Variants in MYO5C observed in about 807,000 individuals in gnomAD.
The protein encoded by MYO5C is myosin VC, also known as unconventional myosin-Vc.
MYO5C carries 194 observed loss-of-function variants against 235.7 expected under a neutral mutation model. The ratio of observed to expected loss-of-function variants is 0.82; its 90% CI spans 0.73 to 0.93. MYO5C has a LOEUF of 0.93. Among genes scored for constraint, MYO5C ranks in the 40% least tolerant of loss-of-function variants. The pLI, the probability that MYO5C is intolerant of heterozygous loss-of-function variation, is 0.00. For missense variants in MYO5C, 2,038 were observed against 2,127.2 expected, an observed-to-expected ratio of 0.96 and a Z score of 0.82; for synonymous variants, 707 against 754.8, an observed-to-expected ratio of 0.94 and a Z score of 1.04.
At chr15:52,223,183 T>C (rs1246492080) in intron 29 of MYO5C, among the ~76,000 whole-genome samples, 3 of 149,806 alleles carry the variant, frequency 2.0e-5, no homozygotes, top group Non-Finnish European at 4.4e-5. Context: ...ATTTCAGGCA[T>C]GAGCAGGACT....
At chr15:52,242,993 G>C (rs2036260178) in intron 19 of MYO5C, 1 of 152,228 alleles carries the variant, frequency 6.6e-6, no homozygotes, top group Non-Finnish European at 1.5e-5. Context: ...TAGAAAAATA[G>C]ATGTGCACCA....
intron 4 of MYO5C, among the ~76,000 whole-genome samples, 165 bp from the exon 5 acceptor site, chr15:52,275,883 G>A (rs2037038853): frequency 6.6e-6 from 1 of 151,570 alleles, no homozygotes; most frequent in Admixed American, 6.6e-5. Flanking sequence ...CTATGTGATC[G>A]TGCAGAACAC....
At chr15:52,218,472 C>T (rs3751609) in intron 32 of MYO5C, 47 bp downstream of exon 32, 125,348 of 1,584,378 alleles carry the variant, frequency 0.079, 9,825 homozygotes, top group East Asian at 0.45. Flanking sequence ...CTTTCAGCAA[C>T]ATCTGCACAC....
intron 10 of MYO5C, among the ~76,000 whole-genome samples, chr15:52,257,952 T>A (rs2036617189): frequency 6.6e-6 from 1 of 152,162 alleles, no homozygotes; most frequent in Non-Finnish European, 1.5e-5. Context: ...ATAGCAGCTC[T>A]GACAGCCCCA....
chr15:52,211,469 C>G (rs2035439820), intron 35 of MYO5C, among the ~76,000 whole-genome samples: 1 of 152,202 alleles, frequency 6.6e-6, no homozygotes, highest in East Asian at 1.9e-4. Context: ...CAGCTGATAA[C>G]TTTACACCCT....
At position 52,211,754 on chromosome 15, in the gene MYO5C, A is replaced by G. The variant is rs753959225; in HGVS notation, c.4272T>C (p.Ile1424=). ...CCTTAACCACCTGCTTGATGCCATT[A>G]ATGGTGCTGTTCATGAGGGACTTCA... ...NMLKSLMNST[I]NGIKQVVKEH... Residue 1424 remains isoleucine (I), a synonymous_variant, in exon 35 of 41, where the codon ATT becomes ATC. Transcript: ENST00000261839. 6.2e-7 allele frequency: 1 copy of G among 1,613,928 alleles called. No individual in the cohort carries two copies. Among genetic ancestry groups the G allele is most frequent in the Non-Finnish European group, 8.5e-7 (1 of 1,179,882 alleles).
chr15:52,232,235 A>AAGAAAGAAGGGAG lies in MYO5C; in HGVS notation c.3026+386_3026+387insCTCCCTTCTTTCT, dbSNP rs2035973967. ...AAGAAAGAAAATGAAAGAAAGAAGA[A>AAGAAAGAAGGGAG]AGAAAGAAGGAAGGAGAGAAGGAAG... is the stretch of plus-strand genomic sequence containing the variant. On this transcript the variant is annotated intron_variant, in intron 24 of 40. Transcript: ENST00000261839. Among the ~76,000 whole-genome samples, 7 of 15,146 alleles carry AAGAAAGAAGGGAG rather than the reference A, an allele frequency of 4.6e-4. 2 individuals carry two copies. Among genetic ancestry groups the AAGAAAGAAGGGAG allele is most frequent in the East Asian group, 3.9e-3 (7 of 1,806 alleles). The allele number at this position is 15,146 out of a possible 152,430, so 9.9% of individuals were successfully genotyped here. A position where few individuals can be genotyped will look rare whatever the true frequency, so the allele number is the denominator to read the frequency against.
Position 52,229,195 on chromosome 15 carries a change from C to T in MYO5C, c.3145G>A (p.Gly1049Arg), listed in dbSNP as rs1307455609. ...EKMQLQHLVEGEHVTSDGLKA... is the reference protein window; with the variant it reads ...EKMQLQHLVEREHVTSDGLKA... ...AAGCCATCAGAAGTGACGTGCTCCC[C>T]CTCCACCAGGTGTTGGAGTTGCATC... Residue 1049 changes from glycine (G) to arginine (R), a missense_variant, in exon 25 of 41, where the codon GGG becomes AGG. Transcript: ENST00000261839. 1.2e-6 allele frequency: 2 copies of T among 1,614,236 alleles called. No individual in the cohort carries two copies. Among genetic ancestry groups the T allele is most frequent in the Non-Finnish European group, 1.7e-6 (2 of 1,180,046 alleles).
intron 32 of MYO5C, 35 bp from the exon 33 acceptor site, chr15:52,214,725 G>T: frequency 7.1e-7 from 1 of 1,412,918 alleles, no homozygotes; most frequent in Non-Finnish European, 9.6e-7. Flanking sequence ...ATTTAGCTTA[G>T]AAGCACTTTA....
Position 52,195,464 on chromosome 15 carries a change from A to G in MYO5C, c.4996-7T>C. 6.3e-7 allele frequency: 1 copy of G among 1,590,928 alleles called. No individual in the cohort carries two copies. The highest frequency in any genetic ancestry group is 8.6e-7 in the Non-Finnish European group (1 of 1,160,972). ...AATTAAGGATCTTTATGATCTGCAA[A>G]CGGTACATAACATGGTGTTAGACCA... On this transcript the variant is annotated splice_polypyrimidine_tract_variant and splice_region_variant and intron_variant, in intron 39 of 40. Transcript: ENST00000261839.
intron 9 of MYO5C, among the ~76,000 whole-genome samples, chr15:52,261,933 C>T (rs994339177): frequency 2.6e-5 from 4 of 152,172 alleles, no homozygotes; most frequent in African/African-American, 9.7e-5. Flanking sequence ...AGCCTCAGGA[C>T]ACAGTGTAGG....
intron 10 of MYO5C, among the ~76,000 whole-genome samples, chr15:52,258,333 A>C (rs1252352172): frequency 6.6e-6 from 1 of 152,200 alleles, no homozygotes; most frequent in Non-Finnish European, 1.5e-5. Flanking sequence ...GTAGATGCAG[A>C]AACTAAGGCT....
Position 52,205,892 on chromosome 15 carries a change from CT to C in MYO5C, c.4460del (p.Gln1487ArgfsTer17). The C allele has an allele frequency of 6.3e-7, 1 of 1,598,220 alleles. No homozygotes were observed. The highest frequency in any genetic ancestry group is 8.5e-7 in the Non-Finnish European group (1 of 1,169,760). On this transcript the variant is annotated frameshift_variant, in exon 37 of 41. Coordinates refer to ENST00000261839, the MANE Select transcript of MYO5C (RefSeq NM_018728.4). LOFTEE classifies it high-confidence loss of function. ...LNNFDLSEYR[Q>X]ILSDVAIRIY... Reference sequence around the variant, plus strand: ...TTCGTATAGCCACATCACTGAGAATCTGTCTGTATTCTGAAAGGTCAAAATT... The same window carrying C: ...TTCGTATAGCCACATCACTGAGAATCGTCTGTATTCTGAAAGGTCAAAATT...
At position 52,193,795 on chromosome 15, in the gene MYO5C, C is replaced by T; in HGVS notation, c.*107G>A. On this transcript the variant is annotated 3_prime_UTR_variant, in exon 41 of 41. Coordinates refer to ENST00000261839, the MANE Select transcript of MYO5C (RefSeq NM_018728.4). ...GGTCCATTTGAGAAAAGTCTGTTTTCTTCCTTAAATCACATTCCAATTTCC... is the reference window on the plus strand; with the variant it reads ...GGTCCATTTGAGAAAAGTCTGTTTTTTTCCTTAAATCACATTCCAATTTCC... 12 of 1,252,496 alleles carry T rather than the reference C, an allele frequency of 9.6e-6. No homozygotes were observed. In the South Asian group the frequency reaches 1.7e-4, roughly 18 times the overall value. 77.6% of individuals were successfully genotyped at this position (1,252,496 alleles called of 1,614,324 possible).
intron 38 of MYO5C, among the ~76,000 whole-genome samples, chr15:52,199,844 T>C (rs2035145406): frequency 6.6e-6 from 1 of 152,156 alleles, no homozygotes; most frequent in South Asian, 2.1e-4. Flanking sequence ...TGGCCCCAGA[T>C]AGAGACATCT....
At chr15:52,236,309 C>T (rs1004648554) in intron 22 of MYO5C, among the ~76,000 whole-genome samples, 4 of 152,168 alleles carry the variant, frequency 2.6e-5, no homozygotes, top group Non-Finnish European at 4.4e-5. Context: ...CACCCAGCAC[C>T]GGGTCATGGG....
intron 24 of MYO5C, 54 bp from the exon 25 acceptor site, chr15:52,229,367 G>C (rs2035900605): frequency 1.3e-6 from 2 of 1,559,802 alleles, no homozygotes; most frequent in Admixed American, 3.5e-5. Context: ...GCTGAAACCT[G>C]TAATCCCAGC....
In MYO5C at chr15:52,282,812, C is replaced by T. The variant is rs1485934914; in HGVS notation, c.108G>A (p.Lys36=). The T allele has an allele frequency of 2.5e-6, 4 of 1,613,624 alleles. No individual in the cohort carries two copies. The highest frequency in any genetic ancestry group is 2.5e-6 in the Non-Finnish European group (3 of 1,179,486). Residue 36 remains lysine, a synonymous_variant, in exon 2 of 41, where the codon AAG becomes AAA. Transcript: ENST00000261839. ...EIAKDYRVGD[K]VLRLLLEDGT... The stretch of plus-strand genomic sequence containing the variant: ...CATCCTCCAGCAGGAGTCGCAGGAC[C>T]TTGTCACCAACTCTGTAGTCCTTGG...
intron 4 of MYO5C, chr15:52,277,314 C>T (rs2037074430): frequency 2.0e-6 from 1 of 502,160 alleles, no homozygotes; most frequent in African/African-American, 2.0e-5. Flanking sequence ...TGAGCACAGC[C>T]CTACAGTGCC....
Sources: allele counts gnomAD v4.1 joint callset (sites outside exome capture counted in the v4.1 genomes callset), GRCh38; gene constraint gnomAD v4.1.1; transcripts MANE v1.5; gene names NCBI Gene and HGNC (gene_info 2026-07-23, HGNC 2026-07-21).